UVRAG: variants seen among roughly 807,000 people sequenced by gnomAD.
UVRAG encodes UV radiation resistance-associated gene protein.
A neutral mutation model predicts 78.0 loss-of-function variants in UVRAG; 19 were observed. The observed-to-expected ratio is 0.24, with a 90% confidence interval of 0.17 to 0.36. The LOEUF is 0.36. UVRAG is among the 10% of genes least tolerant of loss of function. The probability of loss-of-function intolerance (pLI) is 1.00; values close to 1 mark genes in which losing one functional copy is unlikely to be tolerated. For missense variants in UVRAG, 740 were observed against 853.8 expected (o/e 0.87, Z 1.66); for synonymous variants, 323 against 324.6 (o/e 1.00, Z 0.05).
intron 12 of UVRAG, among the ~76,000 whole-genome samples, chr11:76,040,253 C>T (rs181278276): frequency 4.6e-5 from 7 of 151,888 alleles, no homozygotes; most frequent in Admixed American, 4.6e-4. Flanking sequence ...CATGGTGGAT[C>T]ACGAGGTCAG....
At chr11:75,904,837 T>C (rs1590999448) in intron 5 of UVRAG, among the ~76,000 whole-genome samples, 1 of 152,362 alleles carries the variant, frequency 6.6e-6, no homozygotes, top group Non-Finnish European at 1.5e-5. Flanking sequence ...TGTAAATGCA[T>C]GTAAACATTA....
chr11:75,887,637 C>T lies in UVRAG; in HGVS notation c.433-1192C>T, dbSNP rs200517075. ...TAATTTTTTGTATTTTTAGTAGAGACGGGGTTTCACCGTGTTACCCAGGAT... is the reference window on the plus strand; with the variant it reads ...TAATTTTTTGTATTTTTAGTAGAGATGGGGTTTCACCGTGTTACCCAGGAT... On this transcript the variant is annotated intron_variant, in intron 4 of 14. Transcript: ENST00000356136. 3.3e-5 allele frequency among the ~76,000 whole-genome samples: 5 copies of T among 151,864 alleles called. No individual in the cohort carries two copies. In the East Asian group the frequency reaches 7.8e-4, roughly 24 times the overall value.
chr11:75,871,594 C>T (rs556931846), intron 3 of UVRAG, among the ~76,000 whole-genome samples: 52 of 152,134 alleles, frequency 3.4e-4, no homozygotes, highest in African/African-American at 1.2e-3. Flanking sequence ...TGCATCTGCT[C>T]TTTTGCTCAG....
At chr11:76,010,450 A>T (rs532637541) in intron 11 of UVRAG, among the ~76,000 whole-genome samples, 1 of 152,290 alleles carries the variant, frequency 6.6e-6, no homozygotes, top group South Asian at 2.1e-4. Context: ...CTCTAAGGAG[A>T]AATATAAAAT....
At chr11:76,129,555 T>A (rs117214281) in intron 14 of UVRAG, among the ~76,000 whole-genome samples, 74 of 152,294 alleles carry the variant, frequency 4.9e-4, no homozygotes, top group Non-Finnish European at 8.4e-4. Context: ...CTACCAGTCT[T>A]CCATCCCAGT....
intron 12 of UVRAG, among the ~76,000 whole-genome samples, chr11:76,050,265 C>T (rs533959141): frequency 1.3e-5 from 2 of 152,130 alleles, no homozygotes; most frequent in African/African-American, 4.8e-5. Context: ...ATATTAAAAC[C>T]AAGAAAGAAA....
chr11:76,078,752 CAAAAAAAAAAA>C (rs61700855), intron 13 of UVRAG, among the ~76,000 whole-genome samples: 20 of 37,202 alleles, frequency 5.4e-4, no homozygotes, highest in South Asian at 2.2e-3. Flanking sequence ...ACTAAAAATA[CAAAAAAAAAAA>C]AAAAAAAAAA....
intron 6 of UVRAG, among the ~76,000 whole-genome samples, chr11:75,932,099 A>T (rs1246587969): frequency 6.6e-6 from 1 of 152,124 alleles, no homozygotes; most frequent in Admixed American, 6.5e-5. Flanking sequence ...CTTCTTTTTG[A>T]ATGACATTTA....
intron 12 of UVRAG, among the ~76,000 whole-genome samples, chr11:76,033,302 G>T (rs770584047): frequency 1.3e-5 from 2 of 152,106 alleles, no homozygotes; most frequent in Non-Finnish European, 2.9e-5. Context: ...AGAATAGAGA[G>T]AATTTATATA....
At chr11:75,881,686 G>T (rs1400535704) in intron 4 of UVRAG, among the ~76,000 whole-genome samples, 1 of 152,092 alleles carries the variant, frequency 6.6e-6, no homozygotes, top group Non-Finnish European at 1.5e-5. Context: ...CGAAGAACTG[G>T]GATTACAGGC....
intron 12 of UVRAG, among the ~76,000 whole-genome samples, chr11:76,048,399 G>A (rs982932934): frequency 1.3e-5 from 2 of 152,146 alleles, no homozygotes; most frequent in Admixed American, 6.5e-5. Context: ...ATGAGATTTC[G>A]ATGACTTGTA....
chr11:75,894,373 G>T (rs964405265), intron 5 of UVRAG, among the ~76,000 whole-genome samples: 1 of 151,942 alleles, frequency 6.6e-6, no homozygotes, highest in African/African-American at 2.4e-5. Flanking sequence ...CCAGCCAACT[G>T]GTCTTTCCCC....
intron 13 of UVRAG, among the ~76,000 whole-genome samples, chr11:76,088,100 C>T (rs1168641358): frequency 6.6e-6 from 1 of 152,140 alleles, no homozygotes; most frequent in East Asian, 1.9e-4. Context: ...CAGAGTTTTG[C>T]CACGTTGCCC....
chr11:75,999,611 C>T (rs894235597), intron 8 of UVRAG, among the ~76,000 whole-genome samples: 2 of 152,052 alleles, frequency 1.3e-5, no homozygotes, highest in African/African-American at 2.4e-5. Flanking sequence ...GAACTCCTGA[C>T]CTTGTGATCT....
chr11:75,922,064 T>C (rs574845869), intron 6 of UVRAG, among the ~76,000 whole-genome samples: 2 of 152,322 alleles, frequency 1.3e-5, no homozygotes, highest in South Asian at 4.1e-4. Context: ...AAGCTTATTT[T>C]ATCCTACTTT....
At chr11:75,889,025 A>C (rs1217247620) in intron 5 of UVRAG, 122 bp downstream of exon 5, 12 of 772,380 alleles carry the variant, frequency 1.6e-5, no homozygotes, top group Admixed American at 3.4e-5. Flanking sequence ...TTTGTTGCTT[A>C]GTGTGGCTTA....
chr11:76,129,923 A>ACTCT (rs1411537766), intron 14 of UVRAG, among the ~76,000 whole-genome samples: 5 of 145,698 alleles, frequency 3.4e-5, no homozygotes, highest in Non-Finnish European at 7.6e-5. Flanking sequence ...TCACTCTCAC[A>ACTCT]CTCTCTCTCG....
At chr11:76,004,111 T>C (rs201359409) in intron 9 of UVRAG, 22 bp downstream of exon 9, 1 of 1,607,156 alleles carries the variant, frequency 6.2e-7, no homozygotes, top group African/African-American at 1.3e-5. Flanking sequence ...CTGAGAAGAA[T>C]TGCTGTGAGT....
At chr11:76,095,890 A>G (rs998625046) in intron 13 of UVRAG, among the ~76,000 whole-genome samples, 3 of 151,346 alleles carry the variant, frequency 2.0e-5, no homozygotes, top group Non-Finnish European at 2.9e-5. Context: ...AAAAAAAAAA[A>G]AAGCCCTTAG....
Sources: gnomAD v4.1 joint callset for allele counts (sites outside exome capture counted in the v4.1 genomes callset) on GRCh38, gnomAD v4.1.1 for gene constraint, MANE v1.5 for transcripts, NCBI Gene and HGNC (gene_info 2026-07-23, HGNC 2026-07-21) for gene names.